Variants in IL1RAPL1 observed in about 807,000 individuals in gnomAD.
IL1RAPL1 encodes interleukin 1 receptor accessory protein like 1, also known as interleukin-1 receptor accessory protein-like 1.
Under a neutral mutation model 48.4 loss-of-function variants are expected in IL1RAPL1, and 3 were observed. The observed-to-expected ratio is 0.06, with a 90% CI of 0.03 to 0.16. IL1RAPL1 has a LOEUF of 0.16. IL1RAPL1 is among the 10% of genes least tolerant of loss of function. The pLI, the probability that IL1RAPL1 is intolerant of heterozygous loss-of-function variation, is 1.00. For missense variants in IL1RAPL1, 349 were observed against 530.6 expected, an observed-to-expected ratio of 0.66 and a Z score of 3.36; for synonymous variants, 185 against 187.7, an observed-to-expected ratio of 0.99 and a Z score of 0.12.
intron 2 of IL1RAPL1, among the ~76,000 whole-genome samples, chrX:29,105,160 A>C (rs1411676145): frequency 8.9e-6 from 1 of 112,012 alleles, no homozygotes; most frequent in Non-Finnish European, 1.9e-5. Context: ...AGACATTGGA[A>C]TTGAATGGCT....
intron 6 of IL1RAPL1, among the ~76,000 whole-genome samples, chrX:29,685,338 A>C (rs1336044899): frequency 9.1e-6 from 1 of 110,329 alleles, no homozygotes; most frequent in Non-Finnish European, 1.9e-5. Context: ...CCCCATCTTG[A>C]CTAAAAATAC....
chrX:29,793,438 C>T (rs1929677160), intron 6 of IL1RAPL1, among the ~76,000 whole-genome samples: 1 of 112,278 alleles, frequency 8.9e-6, no homozygotes, highest in Non-Finnish European at 1.9e-5. Context: ...TCAGATTAAT[C>T]ATTCTTGGCT....
At chrX:28,677,624 G>A (rs1170400332) in intron 1 of IL1RAPL1, among the ~76,000 whole-genome samples, 2 of 109,312 alleles carry the variant, frequency 1.8e-5, no homozygotes, top group Admixed American at 1.9e-4. Flanking sequence ...GTCTCACTGT[G>A]TCACCCAGGC....
At chrX:28,984,073 A>G (rs1390026287) in intron 2 of IL1RAPL1, among the ~76,000 whole-genome samples, 2 of 111,861 alleles carry the variant, frequency 1.8e-5, no homozygotes, top group Admixed American at 9.5e-5. Context: ...TCAAAGTTCT[A>G]GAGCAGTGCT....
At chrX:29,770,044 G>A (rs1206063914) in intron 6 of IL1RAPL1, among the ~76,000 whole-genome samples, 1 of 112,039 alleles carries the variant, frequency 8.9e-6, no homozygotes, top group African/African-American at 3.2e-5. Context: ...CATCTGAAAT[G>A]GTTGGCTATA....
intron 5 of IL1RAPL1, chrX:29,574,489 A>G (rs1922708606): frequency 9.1e-6 from 1 of 110,085 alleles, no homozygotes; most frequent in Non-Finnish European, 1.9e-5. Context: ...CATTAACTCA[A>G]AAGTCCGCAG....
chrX:28,673,494 A>G (rs1462904910), intron 1 of IL1RAPL1, among the ~76,000 whole-genome samples: 1 of 112,125 alleles, frequency 8.9e-6, no homozygotes, highest in Non-Finnish European at 1.9e-5. Flanking sequence ...AAATTGACAA[A>G]TGGGATCTAA....
At chrX:28,939,873 G>A (rs1484491699) in intron 2 of IL1RAPL1, among the ~76,000 whole-genome samples, 1 of 111,058 alleles carries the variant, frequency 9.0e-6, no homozygotes, top group Non-Finnish European at 1.9e-5. Flanking sequence ...GGTAGGGAAT[G>A]ACAGACCTCA....
At chrX:29,232,201 T>C (rs1452248284) in intron 2 of IL1RAPL1, among the ~76,000 whole-genome samples, 1 of 112,172 alleles carries the variant, frequency 8.9e-6, no homozygotes, top group Non-Finnish European at 1.9e-5. Flanking sequence ...AAATAATTTC[T>C]TATTTTATAA....
intron 1 of IL1RAPL1, among the ~76,000 whole-genome samples, chrX:28,776,970 C>G (rs1936368902): frequency 8.9e-6 from 1 of 112,161 alleles, no homozygotes; most frequent in African/African-American, 3.2e-5. Flanking sequence ...AGCTTTCTGG[C>G]TTTTCAAATA....
chrX:29,586,639 G>A (rs1280755485), intron 5 of IL1RAPL1, among the ~76,000 whole-genome samples: 2 of 110,858 alleles, frequency 1.8e-5, no homozygotes, highest in African/African-American at 6.6e-5. Flanking sequence ...TAGTATGAAC[G>A]TTTTAACAAT....
intron 2 of IL1RAPL1, among the ~76,000 whole-genome samples, chrX:28,959,616 T>G (rs770544483): frequency 8.9e-6 from 1 of 112,175 alleles, no homozygotes; most frequent in Non-Finnish European, 1.9e-5. Context: ...TATGTAGAAT[T>G]CAGGATTATG....
At position 29,681,342 on chromosome X, in the gene IL1RAPL1, G is replaced by A. The variant is rs377013555; in HGVS notation, c.778+12838G>A. Reference sequence around the variant, plus strand: ...ATTGGAACATGACATAATATGATTTGTAATGTGTTTGGAGTAACTAATAAA... The same window carrying A: ...ATTGGAACATGACATAATATGATTTATAATGTGTTTGGAGTAACTAATAAA... On this transcript the variant is annotated intron_variant, in intron 6 of 10. Coordinates refer to ENST00000378993, the MANE Select transcript of IL1RAPL1 (RefSeq NM_014271.4). 4.5e-5 allele frequency among the ~76,000 whole-genome samples: 5 copies of A among 112,313 alleles called. No individual in the cohort carries two copies. In the East Asian group the frequency reaches 1.4e-3, roughly 31 times the overall value.
At chrX:29,322,269 T>C (rs762651701) in intron 3 of IL1RAPL1, among the ~76,000 whole-genome samples, 5 of 109,914 alleles carry the variant, frequency 4.5e-5, no homozygotes, top group South Asian at 3.9e-4. Context: ...CTCTCTCTCT[T>C]TCTTTCTTTT....
At chrX:29,256,338 TAAAC>T (rs889845408) in intron 2 of IL1RAPL1, among the ~76,000 whole-genome samples, 9 of 111,434 alleles carry the variant, frequency 8.1e-5, no homozygotes, top group African/African-American at 2.9e-4. Context: ...TATTATTAAA[TAAAC>T]AACAACAATG....
chrX:29,547,499 T>C (rs1243259854), intron 5 of IL1RAPL1, among the ~76,000 whole-genome samples: 1 of 111,787 alleles, frequency 8.9e-6, no homozygotes, highest in East Asian at 2.8e-4. Flanking sequence ...GATTATAGAA[T>C]CATGGAAAAA....
intron 6 of IL1RAPL1, among the ~76,000 whole-genome samples, chrX:29,806,612 A>T (rs1930261797): frequency 9.0e-6 from 1 of 110,913 alleles, no homozygotes; most frequent in African/African-American, 3.3e-5. Context: ...AGGTGAGCAG[A>T]CAAGCCAAGG....
intron 2 of IL1RAPL1, among the ~76,000 whole-genome samples, chrX:29,263,031 T>C (rs1388893383): frequency 8.9e-6 from 1 of 112,056 alleles, no homozygotes; most frequent in Non-Finnish European, 1.9e-5. Context: ...ATGTTATTTT[T>C]TTTCTACCAG....
At chrX:29,423,376 A>C (rs771671518) in intron 5 of IL1RAPL1, among the ~76,000 whole-genome samples, 1 of 112,441 alleles carries the variant, frequency 8.9e-6, no homozygotes, top group South Asian at 3.7e-4. Flanking sequence ...ATGTATTGTC[A>C]GGATGTCCTG....
Sources: gnomAD v4.1 joint callset for allele counts (sites outside exome capture counted in the v4.1 genomes callset) on GRCh38, gnomAD v4.1.1 for gene constraint, MANE v1.5 for transcripts, NCBI Gene and HGNC (gene_info 2026-07-23, HGNC 2026-07-21) for gene names.